PDE10A: variants seen among roughly 807,000 people sequenced by gnomAD.
The protein encoded by PDE10A is cAMP and cAMP-inhibited cGMP 3',5'-cyclic phosphodiesterase 10A.
PDE10A carries 39 observed loss-of-function variants against 97.7 expected under a neutral mutation model. The observed-to-expected ratio is 0.40, with a 90% CI of 0.31 to 0.52. PDE10A has a LOEUF of 0.52. PDE10A is among the 20% of genes least tolerant of loss of function. The pLI is 0.56. For missense variants in PDE10A, 731 were observed against 1,047.8 expected (o/e 0.70, Z 4.17); for synonymous variants, 371 against 376.8 (o/e 0.98, Z 0.18).
intron 1 of PDE10A, among the ~76,000 whole-genome samples, chr6:165,921,458 ACAT>A: frequency 6.6e-6 from 1 of 152,362 alleles, no homozygotes; most frequent in African/African-American, 2.4e-5. Flanking sequence ...ATAAACAATG[ACAT>A]CATAAATTTT....
Position 165,413,690 on chromosome 6 carries a change from G to A in PDE10A, c.1890-3C>T. Reference sequence around the variant, plus strand: ...AGCCTGTGTACAAGTCTACTTCTCTGTGGGGTGACAGAACCAAAAATAACA... The same window carrying A: ...AGCCTGTGTACAAGTCTACTTCTCTATGGGGTGACAGAACCAAAAATAACA... On this transcript the variant is annotated splice_polypyrimidine_tract_variant and splice_region_variant and intron_variant, in intron 12 of 21. Transcript: ENST00000539869. 1.2e-6 allele frequency: 2 copies of A among 1,606,306 alleles called. No homozygotes were observed. Among genetic ancestry groups the A allele is most frequent in the Non-Finnish European group, 1.7e-6 (2 of 1,175,102 alleles).
At position 165,440,332 on chromosome 6, in the gene PDE10A, A is replaced by T. The variant is rs1471957485; in HGVS notation, c.1195-4955T>A. Among the ~76,000 whole-genome samples the T allele has an allele frequency of 2.0e-5, 3 of 152,260 alleles. No individual in the cohort carries two copies. In the South Asian group the frequency reaches 6.2e-4, roughly 31 times the overall value. ...AGTATTTCTGGTGAATGTTTAATGTATACATACTGAAGGTAAAACTTAAGA... is the reference window on the plus strand; with the variant it reads ...AGTATTTCTGGTGAATGTTTAATGTTTACATACTGAAGGTAAAACTTAAGA... On this transcript the variant is annotated intron_variant, in intron 5 of 21. Coordinates refer to ENST00000539869, the MANE Select transcript of PDE10A (RefSeq NM_001385079.1).
At chr6:165,849,348 C>T (rs1780507909) in intron 1 of PDE10A, among the ~76,000 whole-genome samples, 1 of 152,206 alleles carries the variant, frequency 6.6e-6, no homozygotes, top group South Asian at 2.1e-4. Context: ...CCACCTTTTT[C>T]TGTCTCTGCA....
chr6:165,610,742 G>T (rs1787455330), intron 1 of PDE10A, among the ~76,000 whole-genome samples: 1 of 152,150 alleles, frequency 6.6e-6, no homozygotes, highest in South Asian at 2.1e-4. Context: ...TTAAGAAAAA[G>T]TGGCCTTCAA....
At chr6:165,938,515 G>T (rs952649339) in intron 1 of PDE10A, among the ~76,000 whole-genome samples, 2 of 152,124 alleles carry the variant, frequency 1.3e-5, no homozygotes, top group Non-Finnish European at 2.9e-5. Flanking sequence ...AACTGAGGGC[G>T]CCAAGGGACC....
intron 1 of PDE10A, among the ~76,000 whole-genome samples, chr6:165,910,167 T>G (rs961171481): frequency 5.1e-4 from 77 of 152,272 alleles, no homozygotes; most frequent in African/African-American, 1.8e-3. Context: ...TGTGATGACA[T>G]GGAGCAATCA....
At chr6:165,578,127 A>G (rs747635794) in intron 1 of PDE10A, among the ~76,000 whole-genome samples, 3 of 152,162 alleles carry the variant, frequency 2.0e-5, no homozygotes, top group Middle Eastern at 3.2e-3. Context: ...AGGGGTCCCA[A>G]TTGTGGGCCG....
intron 1 of PDE10A, among the ~76,000 whole-genome samples, chr6:165,617,648 C>T (rs1787789598): frequency 6.6e-6 from 1 of 152,098 alleles, no homozygotes; most frequent in Non-Finnish European, 1.5e-5. Context: ...CCACTCGGGA[C>T]TAAGGAGTTT....
At chr6:165,873,528 C>T (rs117536464) in intron 1 of PDE10A, among the ~76,000 whole-genome samples, 6,212 of 152,152 alleles carry the variant, frequency 0.041, 170 homozygotes, top group Middle Eastern at 0.11. Context: ...ACTTTCTCCG[C>T]AAGAGAGCAA....
Position 165,748,009 on chromosome 6 carries a change from A to G in PDE10A, c.-614-204441T>C, listed in dbSNP as rs145015781. On this transcript the variant is annotated intron_variant, in intron 1 of 19. Transcript: ENST00000366882. Reference sequence around the variant, plus strand: ...ATTGTTGCCGCAGCCAATAGCCCCAATTGGTGCTCACTGACCCTCGGGGTA... The same window carrying G: ...ATTGTTGCCGCAGCCAATAGCCCCAGTTGGTGCTCACTGACCCTCGGGGTA... 4.2e-4 allele frequency among the ~76,000 whole-genome samples: 64 copies of G among 152,232 alleles called. No individual in the cohort carries two copies. In the East Asian group the frequency reaches 4.3e-3, roughly 10 times the overall value.
At chr6:165,641,273 C>T (rs1402110234) in intron 1 of PDE10A, among the ~76,000 whole-genome samples, 1 of 151,948 alleles carries the variant, frequency 6.6e-6, no homozygotes, top group Non-Finnish European at 1.5e-5. Context: ...ATAAAAATAC[C>T]TAGAAATATG....
At chr6:165,978,447 C>T (rs1015474933) in intron 1 of PDE10A, among the ~76,000 whole-genome samples, 2 of 152,232 alleles carry the variant, frequency 1.3e-5, no homozygotes, top group Non-Finnish European at 2.9e-5. Context: ...AGCGATCAAA[C>T]TTAATGTCAC....
intron 1 of PDE10A, among the ~76,000 whole-genome samples, chr6:165,746,673 G>GTAGC (rs1562715901): frequency 6.6e-6 from 1 of 152,222 alleles, no homozygotes; most frequent in East Asian, 1.9e-4. Flanking sequence ...GGGCCTCAGA[G>GTAGC]TAGCCATGGA....
At chr6:165,546,986 G>A (rs1783773385) in intron 1 of PDE10A, among the ~76,000 whole-genome samples, 1 of 152,030 alleles carries the variant, frequency 6.6e-6, no homozygotes, top group South Asian at 2.1e-4. Context: ...TAGTATCAGT[G>A]TACAATAAAA....
At chr6:165,839,896 T>TCCTCA (rs1562762551) in intron 1 of PDE10A, among the ~76,000 whole-genome samples, 11 of 151,504 alleles carry the variant, frequency 7.3e-5, no homozygotes, top group South Asian at 2.1e-4. Context: ...TCCATCCCCA[T>TCCTCA]TCCCATCTCC....
At chr6:165,801,424 A>G (rs1267747411) in intron 1 of PDE10A, among the ~76,000 whole-genome samples, 1 of 152,202 alleles carries the variant, frequency 6.6e-6, no homozygotes, top group Non-Finnish European at 1.5e-5. Context: ...ACATGCCTGT[A>G]ATTCCAGCTA....
intron 1 of PDE10A, among the ~76,000 whole-genome samples, chr6:165,805,148 G>A (rs1323263645): frequency 4.0e-5 from 6 of 149,890 alleles, no homozygotes; most frequent in African/African-American, 1.2e-4. Flanking sequence ...CGTGGGGCGC[G>A]CGGAGGGGCG....
intron 1 of PDE10A, among the ~76,000 whole-genome samples, chr6:165,556,687 G>A (rs953475502): frequency 5.3e-5 from 8 of 152,192 alleles, no homozygotes; most frequent in African/African-American, 1.9e-4. Context: ...CAGCCACAAT[G>A]CACACAATGA....
At chr6:165,691,135 ATAAG>A (rs1791274892) in intron 1 of PDE10A, among the ~76,000 whole-genome samples, 1 of 98,868 alleles carries the variant, frequency 1.0e-5, no homozygotes, top group African/African-American at 4.1e-5. Context: ...CTGTGGTCAC[ATAAG>A]CCAATTCCTT....
Sources: gnomAD v4.1 joint callset for allele counts (sites outside exome capture counted in the v4.1 genomes callset) on GRCh38, gnomAD v4.1.1 for gene constraint, MANE v1.5 for transcripts, NCBI Gene and HGNC (gene_info 2026-07-23, HGNC 2026-07-21) for gene names.